The following CUX2 variants were observed in gnomAD, a reference collection of about 807,000 sequenced individuals.
CUX2 encodes homeobox protein cut-like 2.
A neutral mutation model predicts 144.8 loss-of-function variants in CUX2; 40 were observed. The ratio of observed to expected loss-of-function variants is 0.28; its 90% CI spans 0.21 to 0.36. CUX2 has a LOEUF of 0.36. Ranked by LOEUF, CUX2 falls within the 10% of genes least tolerant of loss-of-function variation. CUX2 has a pLI of 1.00. For missense variants in CUX2, 1,615 were observed against 1,994.0 expected (o/e 0.81, Z 3.62); for synonymous variants, 827 against 875.6 (o/e 0.94, Z 0.98).
Position 111,287,467 on chromosome 12 carries a change from T to C in CUX2, c.302-3951T>C, listed in dbSNP as rs551976267. ...AATAGGAAGCGTTTCCTTGAACTTA[T>C]TAAAAAATCCAGACTTGTAAATTAA... On this transcript the variant is annotated intron_variant, in intron 4 of 21. Coordinates refer to ENST00000261726, the MANE Select transcript of CUX2 (RefSeq NM_015267.4). The surrounding 1 kb of genome is among the most constrained non-coding windows in gnomAD (Gnocchi z 4.2). 2.2e-3 allele frequency among the ~76,000 whole-genome samples: 341 copies of C among 152,390 alleles called. No individual in the cohort carries two copies. The highest frequency in any genetic ancestry group is 3.6e-3 in the Non-Finnish European group (247 of 68,048).
chr12:111,215,500 A>G (rs977357875), intron 2 of CUX2, among the ~76,000 whole-genome samples: 8 of 152,334 alleles, frequency 5.3e-5, no homozygotes, highest in African/African-American at 1.9e-4. Flanking sequence ...TGGAAGGAAG[A>G]GAGTGTCTAC....
chr12:111,153,191 G>A (rs963342651), intron 1 of CUX2, among the ~76,000 whole-genome samples: 18 of 152,122 alleles, frequency 1.2e-4, no homozygotes, highest in African/African-American at 3.9e-4. Flanking sequence ...AAGCTATTGG[G>A]CGCCTGCTGA....
intron 3 of CUX2, among the ~76,000 whole-genome samples, chr12:111,260,812 C>G (rs76623105): frequency 0.029 from 4,375 of 152,296 alleles, 81 homozygotes; most frequent in Middle Eastern, 0.048. Context: ...CCCACCCTTG[C>G]TCAGTCTCTC....
intron 1 of CUX2, among the ~76,000 whole-genome samples, chr12:111,081,969 C>T (rs565495199): frequency 6.6e-6 from 1 of 152,280 alleles, no homozygotes; most frequent in East Asian, 1.9e-4. Context: ...CATATAAATG[C>T]CCCGGCTCCC....
rs1227047616 is a variant in CUX2, at chr12:111,328,941, A to ATCTCTCTCTCTCTCTCTC, written c.2927-5483_2927-5466dup. Among the ~76,000 whole-genome samples, 66 of 28,992 alleles carry ATCTCTCTCTCTCTCTCTC rather than the reference A, an allele frequency of 2.3e-3. 9 individuals carry two copies. The highest frequency in any genetic ancestry group is 0.014 in the East Asian group (3 of 220). 19.0% of individuals were successfully genotyped at this position (28,992 alleles called of 152,430 possible). ...CACTCTGCATTTTTTTGATTCACCT[A>ATCTCTCTCTCTCTCTCTC]TCTCTCTCTCTCTCTCTCTCTCTCT... On this transcript the variant is annotated intron_variant, in intron 18 of 21. Transcript: ENST00000261726.
At chr12:111,076,301 C>G (rs920207435) in intron 1 of CUX2, among the ~76,000 whole-genome samples, 2 of 152,208 alleles carry the variant, frequency 1.3e-5, no homozygotes, top group Non-Finnish European at 2.9e-5. Flanking sequence ...CATATAATAG[C>G]AATATTAACA....
intron 3 of CUX2, among the ~76,000 whole-genome samples, chr12:111,260,404 C>T (rs1884054808): frequency 6.6e-6 from 1 of 151,906 alleles, no homozygotes; most frequent in Admixed American, 6.6e-5. Flanking sequence ...GTGGAGCTTG[C>T]AGTGAGCCAA....
chr12:111,133,751 A>G lies in CUX2; in HGVS notation c.64-80449A>G, dbSNP rs553351175. Among the ~76,000 whole-genome samples, 3 of 152,226 alleles carry G rather than the reference A, an allele frequency of 2.0e-5. No individual in the cohort carries two copies. In the East Asian group the frequency reaches 5.8e-4, roughly 29 times the overall value. On this transcript the variant is annotated intron_variant, in intron 1 of 21. Coordinates refer to ENST00000261726, the MANE Select transcript of CUX2 (RefSeq NM_015267.4). Reference sequence around the variant, plus strand: ...TTTAGGAGACTTAGGATTGTCTTGTATGGCAGCTACCTCAGGGGAGGCTGT... The same window carrying G: ...TTTAGGAGACTTAGGATTGTCTTGTGTGGCAGCTACCTCAGGGGAGGCTGT...
chr12:111,138,828 G>C (rs944226565), intron 1 of CUX2, among the ~76,000 whole-genome samples: 1 of 151,968 alleles, frequency 6.6e-6, no homozygotes, highest in Admixed American at 6.6e-5. Flanking sequence ...AGCCTGGCCC[G>C]CTTCCCTCAA....
chr12:111,324,459 A>T (rs1592968804), intron 18 of CUX2, among the ~76,000 whole-genome samples: 1 of 151,580 alleles, frequency 6.6e-6, no homozygotes, highest in Middle Eastern at 3.4e-3. Flanking sequence ...GGGCGTGGTG[A>T]CTTTGCTCTG....
At chr12:111,297,488 A>T (rs540691317) in intron 8 of CUX2, among the ~76,000 whole-genome samples, 4 of 152,272 alleles carry the variant, frequency 2.6e-5, no homozygotes, top group South Asian at 2.1e-4. Context: ...ATGTCCTGGG[A>T]CCTGGGCTGA....
chr12:111,300,390 G>A (rs7980409), intron 9 of CUX2, among the ~76,000 whole-genome samples: 6,496 of 152,230 alleles, frequency 0.043, 362 homozygotes, highest in African/African-American at 0.13. Context: ...CAAAGCACTG[G>A]GATTAGAGGT....
chr12:111,075,139 C>T (rs1360339360), intron 1 of CUX2, among the ~76,000 whole-genome samples: 1 of 151,600 alleles, frequency 6.6e-6, no homozygotes, highest in Non-Finnish European at 1.5e-5. Context: ...CAGGAGCAGC[C>T]GCTCTCCCTG....
rs397850906 is a variant in CUX2 at position 111,110,042 on chromosome 12, A to AT, written c.63+75821dup. On this transcript the variant is annotated intron_variant, in intron 1 of 21. Transcript: ENST00000261726. ...AGGTGCCCACCACCACACTCAACTA[A>AT]TTTTTTTTTTTTTTTTTTTAAGTAG... 7.2e-3 allele frequency among the ~76,000 whole-genome samples: 962 copies of AT among 134,242 alleles called. 8 individuals are homozygous for AT. Among genetic ancestry groups the AT allele is most frequent in the African/African-American group, 0.019 (686 of 36,644 alleles). The allele number at this position is 134,242 out of a possible 152,430, so 88.1% of individuals were successfully genotyped here.
chr12:111,311,702 G>T (rs1281550329), intron 15 of CUX2, among the ~76,000 whole-genome samples: 1 of 150,874 alleles, frequency 6.6e-6, no homozygotes, highest in Non-Finnish European at 1.5e-5. Flanking sequence ...GGGTTCAAGC[G>T]ATTCTCCTGC....
chr12:111,134,610 C>CTGTGTGTGTGTGTGTG (rs1483403424), intron 1 of CUX2, among the ~76,000 whole-genome samples: 39 of 138,274 alleles, frequency 2.8e-4, no homozygotes, highest in African/African-American at 1.3e-3. Context: ...CTCTCTCTCT[C>CTGTGTGTGTGTGTGTG]TCTCTCTCTC....
chr12:111,203,053 G>A (rs947237947), intron 1 of CUX2, among the ~76,000 whole-genome samples: 3 of 152,020 alleles, frequency 2.0e-5, no homozygotes, highest in Non-Finnish European at 1.5e-5. Context: ...CCAATGTGGT[G>A]AAACCCCATC....
chr12:111,201,156 G>T (rs1880562190), intron 1 of CUX2, among the ~76,000 whole-genome samples: 1 of 152,110 alleles, frequency 6.6e-6, no homozygotes, highest in Non-Finnish European at 1.5e-5. Flanking sequence ...TTGCTGGGAG[G>T]CATTGGCTCC....
At chr12:111,103,677 C>G (rs1873409929) in intron 1 of CUX2, among the ~76,000 whole-genome samples, 2 of 152,204 alleles carry the variant, frequency 1.3e-5, no homozygotes, top group South Asian at 4.1e-4. Context: ...ACAGGCAGGA[C>G]TCTTACGGTT....
Sources: allele counts gnomAD v4.1 joint callset (sites outside exome capture counted in the v4.1 genomes callset), GRCh38; gene constraint gnomAD v4.1.1; non-coding constraint Gnocchi (gnomAD v3.1); transcripts MANE v1.5; gene names NCBI Gene and HGNC (gene_info 2026-07-23, HGNC 2026-07-21).